The following INSL6 variants were observed in gnomAD, a reference collection of about 807,000 sequenced individuals.
The protein encoded by INSL6 is insulin-like peptide INSL6.
In INSL6, 16 loss-of-function variants were observed where a neutral mutation model predicts 9.4. The observed-to-expected ratio is 1.70, with a 90% CI of 1.15 to 2.59. The LOEUF (loss-of-function observed/expected upper bound fraction) is 2.59. Ranked by LOEUF, INSL6 falls within the 30% of genes most tolerant of loss-of-function variation. The pLI, the probability that INSL6 is intolerant of heterozygous loss-of-function variation, is 0.00. For synonymous variants in INSL6, 154 were observed against 96.9 expected (o/e 1.59, Z -3.46); for missense variants, 391 against 257.3 (o/e 1.52, Z -3.56).
chr9:5,094,413 C>T, the INSL6 span: 2 of 152,252 alleles, frequency 1.3e-5, no homozygotes, highest in Admixed American at 6.5e-5. Context: ...GCCTAGCAGT[C>T]TATTCCATTC....
chr9:5,132,074 G>C (rs540609096), intron 3 of INSL6: 2 of 152,184 alleles, frequency 1.3e-5, no homozygotes, highest in South Asian at 4.1e-4. Flanking sequence ...GGTTGTTGTT[G>C]ACAAAGAAAC....
chr9:5,103,267 AATCCC>A, the INSL6 span, among the ~76,000 whole-genome samples: 3 of 137,984 alleles, frequency 2.2e-5, no homozygotes, highest in Non-Finnish European at 4.6e-5. Context: ...CAGGAGTTGC[AATCCC>A]GGTCTCTGAA....
At chr9:5,065,108 CAG>C in the INSL6 span, 5 of 1,004,324 alleles carry the variant, frequency 5.0e-6, no homozygotes, top group South Asian at 7.6e-5. Context: ...GAAGATTTAA[CAG>C]AGTGATACAT....
At chr9:5,173,785 A>AG (rs911028301) in intron 1 of INSL6, among the ~76,000 whole-genome samples, 3 of 152,118 alleles carry the variant, frequency 2.0e-5, no homozygotes, top group African/African-American at 7.2e-5. Context: ...TTAAAAAAAA[A>AG]AAAAGAATGA....
chr9:5,100,007 T>C, the INSL6 span: 1 of 152,240 alleles, frequency 6.6e-6, no homozygotes, highest in East Asian at 1.9e-4. Context: ...AGCCTATTTA[T>C]TCAACCAATA....
At position 5,164,059 on chromosome 9, in the gene INSL6, G is replaced by C. The variant is rs758649480; in HGVS notation, c.496C>G (p.His166Asp). ...KTLSNLFWGH[H>D]PQRKRRGYSE... ...TATCCTCTGCGTTTTCTTTGGGGAT[G>C]ATGCCCCCAAAACAAATTGCTTAAG... The change falls in exon 2 of 2, where the codon CAT becomes GAT. Residue 166 changes from histidine (H) to aspartate (D), a missense_variant. By Grantham distance (81) the His-to-Asp change is moderately conservative. Coordinates refer to ENST00000381641, the MANE Select transcript of INSL6 (RefSeq NM_007179.3). 2 of 1,613,690 alleles carry C rather than the reference G, an allele frequency of 1.2e-6. No individual in the cohort carries two copies. Among genetic ancestry groups the C allele is most frequent in the Non-Finnish European group, 1.7e-6 (2 of 1,179,814 alleles).
At chr9:5,041,136 C>A in the INSL6 span, 1 of 1,014,530 alleles carries the variant, frequency 9.9e-7, no homozygotes, top group Admixed American at 1.9e-5. Context: ...CTCCTGATCG[C>A]CATCCGGCTG....
chr9:5,090,004 T>A, the INSL6 span: 1 of 482,294 alleles, frequency 2.1e-6, no homozygotes, highest in Non-Finnish European at 3.4e-6. Flanking sequence ...AGAGATTGTG[T>A]TTGGTGATCA....
the INSL6 span, chr9:5,029,720 G>A: frequency 7.3e-7 from 1 of 1,371,948 alleles, no homozygotes; most frequent in South Asian, 1.5e-5. Context: ...TCAAATTATA[G>A]GTGCTATGTA....
the INSL6 span, chr9:5,098,156 C>T: frequency 6.6e-6 from 1 of 152,118 alleles, no homozygotes; most frequent in South Asian, 2.1e-4. Flanking sequence ...TGGCTGTCCA[C>T]CACCTTACCA....
At chr9:5,003,299 T>C in the INSL6 span, among the ~76,000 whole-genome samples, 1 of 152,044 alleles carries the variant, frequency 6.6e-6, no homozygotes, top group African/African-American at 2.4e-5. Flanking sequence ...TAGATTAATT[T>C]GGAAAAGAAC....
chr9:5,116,454 A>G, the INSL6 span, among the ~76,000 whole-genome samples: 1 of 152,230 alleles, frequency 6.6e-6, no homozygotes, highest in Non-Finnish European at 1.5e-5. Flanking sequence ...AGTGAAACTA[A>G]AAAGTAAGAC....
At chr9:5,055,779 T>C in the INSL6 span, 1 of 1,610,054 alleles carries the variant, frequency 6.2e-7, no homozygotes, top group Non-Finnish European at 8.5e-7. Context: ...AGCAAGATGG[T>C]AAAAATCTGG....
At chr9:5,128,171 G>A (rs1318716159) in intron 3 of INSL6, 1 of 230,092 alleles carries the variant, frequency 4.3e-6, no homozygotes, top group Non-Finnish European at 8.6e-6. Flanking sequence ...AAAGAAAATA[G>A]TTTCTTACTT....
the INSL6 span, chr9:5,054,669 A>C: frequency 6.2e-7 from 1 of 1,613,266 alleles, no homozygotes; most frequent in African/African-American, 1.3e-5. The surrounding 1 kb of genome is among the most constrained non-coding windows in gnomAD (Gnocchi z 4.9). Context: ...TCAGCAATTC[A>C]GCCAATGCAA....
chr9:5,184,151 T>C (rs1825516830), intron 1 of INSL6, among the ~76,000 whole-genome samples: 1 of 152,240 alleles, frequency 6.6e-6, no homozygotes, highest in Non-Finnish European at 1.5e-5. Context: ...ATTCTATTCA[T>C]TCATTCCAAA....
the INSL6 span, chr9:5,099,508 C>T: frequency 6.6e-6 from 1 of 152,086 alleles, no homozygotes. Context: ...TTTATATTAT[C>T]CCTACACCAA....
At chr9:5,104,638 A>AC in the INSL6 span, among the ~76,000 whole-genome samples, 1 of 152,226 alleles carries the variant, frequency 6.6e-6, no homozygotes, top group Admixed American at 6.5e-5. Context: ...TCCCTGATGA[A>AC]CGTCGATGTG....
the INSL6 span, chr9:5,041,222 C>T: frequency 1.4e-5 from 20 of 1,466,200 alleles, no homozygotes; most frequent in African/African-American, 1.9e-4. Context: ...CCTGGTGGGG[C>T]GCCCGGGGAC....
Sources: allele counts gnomAD v4.1 joint callset (sites outside exome capture counted in the v4.1 genomes callset), GRCh38; gene constraint gnomAD v4.1.1; non-coding constraint Gnocchi (gnomAD v3.1); transcripts MANE v1.5; gene names NCBI Gene and HGNC (gene_info 2026-07-23, HGNC 2026-07-21).